ARHGAP10: variants seen among roughly 807,000 people sequenced by gnomAD.
ARHGAP10 encodes the protein Rho GTPase activating protein 10.
Under a neutral mutation model 108.6 loss-of-function variants are expected in ARHGAP10, and 87 were observed. That is an observed-to-expected ratio of 0.80 (90% CI 0.67 to 0.96). The LOEUF (loss-of-function observed/expected upper bound fraction) is 0.96. Ranked by LOEUF, ARHGAP10 falls within the 40% of genes least tolerant of loss-of-function variation. The pLI is 0.00. For missense variants in ARHGAP10, 939 were observed against 954.5 expected (o/e 0.98, Z 0.21); for synonymous variants, 347 against 341.1 (o/e 1.02, Z -0.19).
chr4:147,777,890 A>G (rs998119676), intron 1 of ARHGAP10, among the ~76,000 whole-genome samples: 3 of 152,070 alleles, frequency 2.0e-5, no homozygotes, highest in Admixed American at 6.6e-5. Flanking sequence ...ACTCTTTCCT[A>G]TAGATGGGGA....
At chr4:148,027,579 G>A (rs1727930171) in intron 19 of ARHGAP10, among the ~76,000 whole-genome samples, 1 of 152,164 alleles carries the variant, frequency 6.6e-6, no homozygotes, top group Admixed American at 6.5e-5. Context: ...TCATTTCCTT[G>A]TATCCTAAGT....
intron 18 of ARHGAP10, among the ~76,000 whole-genome samples, chr4:148,003,137 A>T (rs1447113044): frequency 2.0e-5 from 3 of 152,186 alleles, no homozygotes; most frequent in Admixed American, 1.3e-4. Flanking sequence ...TTGGTTTCAA[A>T]GACCATGTTT....
Position 147,945,937 on chromosome 4 carries a change from T to G in ARHGAP10, c.1304-680T>G, listed in dbSNP as rs140869159. ...ATATTGAACGCAAGGCCACCACACA[T>G]GAATTGAAGAGGTCTGGCTCCTCCT... On this transcript the variant is annotated intron_variant, in intron 14 of 22. Transcript: ENST00000336498. Among the ~76,000 whole-genome samples, 895 of 152,194 alleles carry G rather than the reference T, an allele frequency of 5.9e-3. 7 individuals are homozygous for G. The highest frequency in any genetic ancestry group is 0.021 in the African/African-American group (856 of 41,544).
intron 19 of ARHGAP10, among the ~76,000 whole-genome samples, chr4:148,039,368 A>ATTTTTTTTTTTTTTTTTTTTTTTTTTTTT (rs34876546): frequency 9.6e-5 from 7 of 73,088 alleles, no homozygotes; most frequent in African/African-American, 1.7e-4. Flanking sequence ...TACTACTTCA[A>ATTTTTTTTTTTTTTTTTTTTTTTTTTTTT]TTTTTTTTTT....
rs200501384 is a variant in ARHGAP10 at position 147,881,977 on chromosome 4, A to T, written c.1034+45A>T. 2.5e-6 allele frequency: 4 copies of T among 1,575,100 alleles called. No homozygotes were observed. The East Asian group carries it at 9.0e-5, about 35-fold the overall frequency. On this transcript the variant is annotated intron_variant, in intron 10 of 22. Transcript: ENST00000336498. ...GGACATGGTGAAAGAGTCGTTTTAA[A>T]AAAATGATTTAAAAAAATAGAGGTT...
At chr4:148,002,850 T>C (rs949717991) in intron 18 of ARHGAP10, among the ~76,000 whole-genome samples, 2 of 152,186 alleles carry the variant, frequency 1.3e-5, no homozygotes, top group African/African-American at 4.8e-5. Context: ...TTTGTTGATC[T>C]TTTCAAAAAA....
At chr4:147,741,767 TACACACACACACACACACACACACGC>T (rs1279173330) in intron 1 of ARHGAP10, among the ~76,000 whole-genome samples, 29 of 134,566 alleles carry the variant, frequency 2.2e-4, no homozygotes, top group African/African-American at 7.8e-4. Flanking sequence ...TCGTTCTCTT[TACACACACACACACACACACACACGC>T]ACACACACAC....
Position 148,072,197 on chromosome 4 carries a change from A to T in ARHGAP10, c.*116A>T. 1.4e-4 allele frequency: 77 copies of T among 533,910 alleles called. No homozygotes were observed. The highest frequency in any genetic ancestry group is 1.9e-4 in the Non-Finnish European group (60 of 323,558). The allele number at this position is 533,910 out of a possible 1,614,324, so 33.1% of individuals were successfully genotyped here. A position where few individuals can be genotyped will look rare whatever the true frequency, so the allele number is the denominator to read the frequency against. ...ACCCACAGGTACCTCCACACTTGGG[A>T]GTTACCATCATCACAGTCAGCCCTG... is the stretch of plus-strand genomic sequence containing the variant. On this transcript the variant is annotated 3_prime_UTR_variant, in exon 23 of 23. Transcript: ENST00000336498.
At chr4:147,890,487 T>A (rs1291613260) in intron 10 of ARHGAP10, among the ~76,000 whole-genome samples, 3 of 152,188 alleles carry the variant, frequency 2.0e-5, no homozygotes, top group Non-Finnish European at 4.4e-5. Context: ...CAAATAACAA[T>A]GAAATGGTCA....
chr4:148,035,075 A>G (rs1728314080), intron 19 of ARHGAP10, among the ~76,000 whole-genome samples: 1 of 152,160 alleles, frequency 6.6e-6, no homozygotes, highest in Non-Finnish European at 1.5e-5. Flanking sequence ...TGGTTCCTGG[A>G]GTTGTAACCT....
rs190688276 is a variant in ARHGAP10 at position 147,835,133 on chromosome 4, C to G, written c.313-12018C>G. On this transcript the variant is annotated intron_variant, in intron 3 of 22. Coordinates refer to ENST00000336498, the MANE Select transcript of ARHGAP10 (RefSeq NM_024605.4). Reference sequence around the variant, plus strand: ...AAATATTTTGAGTGCCTACTATGAGCCACCGTGTTCTCACACCTGAGGATA... The same window carrying G: ...AAATATTTTGAGTGCCTACTATGAGGCACCGTGTTCTCACACCTGAGGATA... Among the ~76,000 whole-genome samples, 11 of 152,230 alleles carry G rather than the reference C, an allele frequency of 7.2e-5. No individual in the cohort carries two copies. The East Asian group carries it at 1.9e-3, about 27-fold the overall frequency.
At position 147,970,642 on chromosome 4, in the gene ARHGAP10, A is replaced by G. The variant is rs114389766; in HGVS notation, c.1716+3803A>G. ...GAAACTTCAACATGTAATTAAAGCA[A>G]GATTGCTCTAGATGAATTTCGGAGT... On this transcript the variant is annotated intron_variant, in intron 18 of 22. Coordinates refer to ENST00000336498, the MANE Select transcript of ARHGAP10 (RefSeq NM_024605.4). Among the ~76,000 whole-genome samples the G allele has an allele frequency of 4.5e-3, 683 of 152,338 alleles. 5 individuals are homozygous for G. The highest frequency in any genetic ancestry group is 0.016 in the African/African-American group (652 of 41,586).
intron 3 of ARHGAP10, among the ~76,000 whole-genome samples, chr4:147,830,360 TG>T (rs1732899899): frequency 4.6e-5 from 7 of 152,166 alleles, no homozygotes; most frequent in Admixed American, 3.9e-4. Context: ...TGTGCTTTAC[TG>T]CACCCCCTTC....
chr4:147,998,602 T>C (rs981944077), intron 18 of ARHGAP10, among the ~76,000 whole-genome samples: 19 of 152,260 alleles, frequency 1.2e-4, no homozygotes, highest in Non-Finnish European at 4.4e-5. Context: ...ATAGAATCAA[T>C]ACTTTATAAC....
At position 148,072,714 on chromosome 4, in the gene ARHGAP10, G is replaced by A. The variant is rs1203781193; in HGVS notation, c.*633G>A. 4 of 152,240 alleles carry A rather than the reference G, an allele frequency of 2.6e-5. No individual in the cohort carries two copies. The East Asian group carries it at 5.8e-4, about 22-fold the overall frequency. 9.4% of individuals were successfully genotyped at this position (152,240 alleles called of 1,614,324 possible). A position where few individuals can be genotyped will look rare whatever the true frequency, so the allele number is the denominator to read the frequency against. On this transcript the variant is annotated 3_prime_UTR_variant, in exon 23 of 23. Coordinates refer to ENST00000336498, the MANE Select transcript of ARHGAP10 (RefSeq NM_024605.4). ...TCTCGGTGCTCCTCACCCGTGTGCT[G>A]TTTTCCAAACACCACCTTTTTGCCT...
intron 22 of ARHGAP10, among the ~76,000 whole-genome samples, chr4:148,067,061 G>A (rs1729915903): frequency 1.3e-5 from 2 of 152,072 alleles, no homozygotes; most frequent in South Asian, 4.2e-4. Context: ...CCCTAAGGCT[G>A]GCTACTTGGA....
chr4:147,791,194 C>T (rs1422192709), intron 1 of ARHGAP10, among the ~76,000 whole-genome samples: 1 of 151,058 alleles, frequency 6.6e-6, no homozygotes, highest in Admixed American at 6.6e-5. Context: ...TCACTGCAGC[C>T]TCTGTGTCCC....
chr4:148,020,221 G>C (rs1159711384), intron 18 of ARHGAP10, among the ~76,000 whole-genome samples: 1 of 152,076 alleles, frequency 6.6e-6, no homozygotes, highest in Non-Finnish European at 1.5e-5. Context: ...ATACCTCAGG[G>C]CTTGGCAAGG....
At chr4:147,847,269 T>G (rs1300984901) in intron 4 of ARHGAP10, 47 bp downstream of exon 4, 2 of 1,479,740 alleles carry the variant, frequency 1.4e-6, no homozygotes, top group African/African-American at 1.4e-5. Context: ...ATGCCTCTGC[T>G]GCTTCATGGT....
Sources: allele counts gnomAD v4.1 joint callset (sites outside exome capture counted in the v4.1 genomes callset), GRCh38; gene constraint gnomAD v4.1.1; transcripts MANE v1.5; gene names NCBI Gene and HGNC (gene_info 2026-07-23, HGNC 2026-07-21).